Variants in RALYL observed in about 807,000 individuals in gnomAD.
The protein encoded by RALYL is RALY RNA binding protein like.
In RALYL, 29 loss-of-function variants were observed where a neutral mutation model predicts 35.1. The ratio of observed to expected loss-of-function variants is 0.83; its 90% CI spans 0.61 to 1.13. The LOEUF (loss-of-function observed/expected upper bound fraction) is 1.13. RALYL is among the 50% of genes most tolerant of loss of function. RALYL has a pLI of 0.00. For missense variants in RALYL, 359 were observed against 360.4 expected, an observed-to-expected ratio of 1.00 and a Z score of 0.03; for synonymous variants, 120 against 127.6, an observed-to-expected ratio of 0.94 and a Z score of 0.40.
chr8:84,820,609 A>C (rs1168771099), intron 4 of RALYL, among the ~76,000 whole-genome samples: 1 of 152,000 alleles, frequency 6.6e-6, no homozygotes, highest in African/African-American at 2.4e-5. Flanking sequence ...ATAGGTATAC[A>C]TGTGCGATGA....
intron 2 of RALYL, among the ~76,000 whole-genome samples, chr8:84,727,923 G>A (rs1028748170): frequency 6.6e-6 from 1 of 152,008 alleles, no homozygotes; most frequent in Non-Finnish European, 1.5e-5. Flanking sequence ...GAATAGTGCT[G>A]CAATAAACAT....
chr8:84,292,636 G>T (rs1424148229), intron 1 of RALYL, among the ~76,000 whole-genome samples: 2 of 152,084 alleles, frequency 1.3e-5, no homozygotes, highest in African/African-American at 4.8e-5. Flanking sequence ...AACCAAACTG[G>T]CGACGAGAGT....
At position 84,849,999 on chromosome 8, in the gene RALYL, G is replaced by T; in HGVS notation, c.385G>T (p.Asp129Tyr). The change falls in exon 5 of 9, where the codon GAT becomes TAT. Residue 129 changes from aspartate to tyrosine, a missense_variant. Transcript: ENST00000521268. Reference protein sequence around the residue: ...LSVGGYVFDYDYYRDDFYNRL... With the variant: ...LSVGGYVFDYYYYRDDFYNRL... Reference sequence around the variant, plus strand: ...CTTTAGCGGTTATGTCTTTGACTATGATTACTACAGAGATGATTTCTACAA... The same window carrying T: ...CTTTAGCGGTTATGTCTTTGACTATTATTACTACAGAGATGATTTCTACAA... 1 of 1,490,952 alleles carries T rather than the reference G, an allele frequency of 6.7e-7. No individual in the cohort carries two copies. The highest frequency in any genetic ancestry group is 1.4e-5 in the African/African-American group (1 of 70,482). 92.4% of individuals were successfully genotyped at this position (1,490,952 alleles called of 1,614,324 possible).
intron 1 of RALYL, among the ~76,000 whole-genome samples, chr8:84,314,887 G>T (rs1244195319): frequency 6.6e-6 from 1 of 152,184 alleles, no homozygotes. Context: ...ATAGGCTGGA[G>T]ATCTGACCAA....
At chr8:84,837,063 C>G (rs1403678670) in intron 4 of RALYL, among the ~76,000 whole-genome samples, 1 of 152,148 alleles carries the variant, frequency 6.6e-6, no homozygotes, top group African/African-American at 2.4e-5. Flanking sequence ...CCAGCTCTTT[C>G]ATGAAGCCGT....
chr8:84,773,676 C>T (rs1586143444), intron 2 of RALYL, among the ~76,000 whole-genome samples: 3 of 152,276 alleles, frequency 2.0e-5, no homozygotes, highest in African/African-American at 7.2e-5. Context: ...CTCATTTTGA[C>T]AACCTTGGAA....
chr8:84,300,401 G>T (rs1840546423), intron 1 of RALYL, among the ~76,000 whole-genome samples: 1 of 151,820 alleles, frequency 6.6e-6, no homozygotes, highest in Non-Finnish European at 1.5e-5. Context: ...CAAATAATAG[G>T]AATGTATATT....
intron 1 of RALYL, among the ~76,000 whole-genome samples, chr8:84,264,731 T>C (rs1832963717): frequency 6.6e-6 from 1 of 152,298 alleles, no homozygotes; most frequent in African/African-American, 2.4e-5. Context: ...ATTGAGGAGA[T>C]AAAATTAAAA....
chr8:84,659,369 T>G (rs1830500565), intron 2 of RALYL, among the ~76,000 whole-genome samples: 1 of 151,946 alleles, frequency 6.6e-6, no homozygotes, highest in Non-Finnish European at 1.5e-5. Context: ...GTGTTCCCCA[T>G]TAGGCCAAAT....
intron 2 of RALYL, among the ~76,000 whole-genome samples, chr8:84,540,580 T>G (rs939606559): frequency 4.0e-5 from 6 of 151,118 alleles, no homozygotes; most frequent in African/African-American, 1.2e-4. Context: ...GTCTTGTGTG[T>G]TTTTTTTTAA....
intron 1 of RALYL, among the ~76,000 whole-genome samples, chr8:84,213,842 A>G (rs1422998894): frequency 6.6e-6 from 1 of 152,232 alleles, no homozygotes; most frequent in Non-Finnish European, 1.5e-5. Flanking sequence ...TGTATGCAAT[A>G]ACGATCAATC....
chr8:84,623,498 G>C (rs1822034406), intron 2 of RALYL, among the ~76,000 whole-genome samples: 1 of 152,128 alleles, frequency 6.6e-6, no homozygotes, highest in Admixed American at 6.5e-5. Context: ...GTTACCAACA[G>C]TAAGTAGAAT....
chr8:84,530,984 T>TA, intron 2 of RALYL, among the ~76,000 whole-genome samples: 2 of 152,280 alleles, frequency 1.3e-5, no homozygotes, highest in East Asian at 3.9e-4. Context: ...TGTGCTGTGC[T>TA]AAAAATTTAC....
At chr8:84,450,030 G>A (rs1033809224) in intron 1 of RALYL, among the ~76,000 whole-genome samples, 2 of 151,714 alleles carry the variant, frequency 1.3e-5, no homozygotes, top group Admixed American at 6.6e-5. Flanking sequence ...GAACAAATGA[G>A]TTATAGCATT....
At chr8:84,448,844 A>G (rs1223794937) in intron 1 of RALYL, among the ~76,000 whole-genome samples, 1 of 151,976 alleles carries the variant, frequency 6.6e-6, no homozygotes, top group Non-Finnish European at 1.5e-5. Context: ...TTTGGTATAG[A>G]GTAGGTGTTC....
chr8:84,850,183 T>A (rs1274014853), intron 5 of RALYL, among the ~76,000 whole-genome samples, 156 bp downstream of exon 5: 2 of 152,198 alleles, frequency 1.3e-5, no homozygotes, highest in African/African-American at 4.8e-5. Context: ...TACAGATTTT[T>A]ATATTTTCAT....
At chr8:84,226,829 G>A (rs1219202672) in intron 1 of RALYL, among the ~76,000 whole-genome samples, 1 of 152,118 alleles carries the variant, frequency 6.6e-6, no homozygotes, top group Admixed American at 6.6e-5. Flanking sequence ...CCAAGATTTA[G>A]TGACCTCCTT....
intron 2 of RALYL, among the ~76,000 whole-genome samples, chr8:84,614,775 C>CTTT (rs75967490): frequency 2.0e-4 from 26 of 128,874 alleles, no homozygotes; most frequent in African/African-American, 7.0e-4. Flanking sequence ...CCCTTCTTTC[C>CTTT]TTTTTTTTTT....
chr8:84,781,488 T>C (rs778245874), intron 3 of RALYL, among the ~76,000 whole-genome samples: 6 of 152,204 alleles, frequency 3.9e-5, no homozygotes, highest in Non-Finnish European at 7.3e-5. Context: ...TTCTGGCATA[T>C]AGAAAGAATA....
Sources: allele counts gnomAD v4.1 joint callset (sites outside exome capture counted in the v4.1 genomes callset), GRCh38; gene constraint gnomAD v4.1.1; transcripts MANE v1.5; gene names NCBI Gene and HGNC (gene_info 2026-07-23, HGNC 2026-07-21).